Variants in PLXNA4 observed in about 807,000 individuals in gnomAD.
PLXNA4 encodes plexin-A4.
PLXNA4 carries 44 observed loss-of-function variants against 191.8 expected under a neutral mutation model. The observed-to-expected ratio is 0.23, with a 90% CI of 0.18 to 0.29. PLXNA4 has a LOEUF of 0.29. PLXNA4 is among the 10% of genes least tolerant of loss of function. PLXNA4 has a pLI of 1.00. For missense variants in PLXNA4, 1,800 were observed against 2,488.8 expected, an observed-to-expected ratio of 0.72 and a Z score of 5.89; for synonymous variants, 1,082 against 1,009.5, an observed-to-expected ratio of 1.07 and a Z score of -1.36.
chr7:132,508,382 G>A lies in PLXNA4; in HGVS notation c.312C>T (p.Cys104=), dbSNP rs767908527. The change falls in exon 2 of 32, where the codon TGC becomes TGT. Residue 104 remains cysteine, a synonymous_variant. Coordinates refer to ENST00000321063, the MANE Select transcript of PLXNA4 (RefSeq NM_020911.2). The surrounding 1 kb of genome is among the most constrained non-coding windows in gnomAD (Gnocchi z 4.4). The part of the protein sequence containing the change: ...KCYPPRIVQT[C]NEPLTTTNNV... Reference sequence around the variant, plus strand: ...TGTTGGTGGTGGTCAGGGGCTCATTGCAGGTCTGGACGATGCGGGGTGGGT... The same window carrying A: ...TGTTGGTGGTGGTCAGGGGCTCATTACAGGTCTGGACGATGCGGGGTGGGT... The A allele has an allele frequency of 1.6e-5, 26 of 1,614,082 alleles. No homozygotes were observed. Among genetic ancestry groups the A allele is most frequent in the Non-Finnish European group, 2.0e-5 (24 of 1,180,064 alleles).
intron 1 of PLXNA4, among the ~76,000 whole-genome samples, chr7:132,564,255 TCTC>T (rs1355051530): frequency 2.9e-5 from 3 of 101,714 alleles, no homozygotes; most frequent in South Asian, 7.6e-4. Flanking sequence ...TCCTTCTGCT[TCTC>T]CTCCTCCTCT....
chr7:132,463,546 G>A (rs1025351785), intron 3 of PLXNA4, among the ~76,000 whole-genome samples: 4 of 152,190 alleles, frequency 2.6e-5, no homozygotes, highest in African/African-American at 9.7e-5. Flanking sequence ...TTACATAGAT[G>A]GGAAGGCAAG....
At chr7:132,445,014 C>T (rs932817605) in intron 3 of PLXNA4, among the ~76,000 whole-genome samples, 8 of 151,258 alleles carry the variant, frequency 5.3e-5, no homozygotes, top group Middle Eastern at 3.4e-3. Context: ...ATTAGCCGGG[C>T]ACAGTGGCAG....
intron 2 of PLXNA4, among the ~76,000 whole-genome samples, chr7:132,493,843 C>T (rs930772886): frequency 6.6e-6 from 1 of 152,070 alleles, no homozygotes; most frequent in East Asian, 1.9e-4. Flanking sequence ...CAGTGGCTAA[C>T]AGTACTGAAC....
chr7:132,356,341 A>C (rs987402023), intron 3 of PLXNA4, among the ~76,000 whole-genome samples: 3 of 152,252 alleles, frequency 2.0e-5, no homozygotes, highest in African/African-American at 7.2e-5. Flanking sequence ...ACCTAAGCTT[A>C]ATGATACCAA....
rs374302351 is a variant in PLXNA4 at position 132,185,360 on chromosome 7, C to T, written c.3097G>A (p.Val1033Ile). Residue 1033 changes from valine (V) to isoleucine (I), a missense_variant, in exon 16 of 32, where the codon GTC becomes ATC. Physicochemically the swap from Val to Ile is conservative, Grantham distance 29. Around this residue, in one of 6 missense-constraint regions of PLXNA4, gnomAD observed 1,397 missense variants for 1,880.4 expected, o/e 0.74. Transcript: ENST00000321063. ...VDRAKIHQDLVFQYVEDPTIV... is the reference protein window; with the variant it reads ...VDRAKIHQDLIFQYVEDPTIV... Reference sequence around the variant, plus strand: ...GTGGGGTCTTCCACATACTGAAAGACCAGGTCCTGGTGGATCTTGGCCCTG... The same window carrying T: ...GTGGGGTCTTCCACATACTGAAAGATCAGGTCCTGGTGGATCTTGGCCCTG... The T allele has an allele frequency of 1.9e-6, 3 of 1,614,096 alleles. No homozygotes were observed. The highest frequency in any genetic ancestry group is 2.5e-6 in the Non-Finnish European group (3 of 1,180,004).
chr7:132,131,157 AT>A (rs764066496), intron 31 of PLXNA4, among the ~76,000 whole-genome samples: 7 of 152,206 alleles, frequency 4.6e-5, no homozygotes, highest in Non-Finnish European at 8.8e-5. Flanking sequence ...CACCTAATGG[AT>A]AATGTCTACC....
rs761142540 is a variant in PLXNA4 at position 132,508,063 on chromosome 7, C to T, written c.631G>A (p.Asp211Asn). Residue 211 changes from aspartate to asparagine, a missense_variant, in exon 2 of 32, where the codon GAT becomes AAT. This residue lies in a region of PLXNA4 where 1,397 missense variants were observed against 1,880.4 expected (regional missense o/e 0.74). Transcript: ENST00000321063. This position sits in a 1 kb window ranked among gnomAD's most constrained non-coding sequence, Gnocchi z 4.4. ...TGGAAGACGTACGCGAACATGCCAT[C>T]CGCCTCAGAGTTCTTGGTCAGTTTC... is the stretch of plus-strand genomic sequence containing the variant. ...SRKLTKNSEA[D>N]GMFAYVFHDE... 17 of 1,614,124 alleles carry T rather than the reference C, an allele frequency of 1.1e-5. No homozygotes were observed. The highest frequency in any genetic ancestry group is 1.7e-5 in the Admixed American group (1 of 60,008).
intron 1 of PLXNA4, among the ~76,000 whole-genome samples, chr7:132,553,688 C>T (rs890235206): frequency 1.3e-5 from 2 of 152,148 alleles, no homozygotes; most frequent in Non-Finnish European, 2.9e-5. Context: ...CAACCTACAC[C>T]TTAGTGTACC....
chr7:132,331,883 T>A (rs62466378), intron 3 of PLXNA4, among the ~76,000 whole-genome samples: 14,317 of 152,080 alleles, frequency 0.094, 863 homozygotes, highest in Admixed American at 0.2. Context: ...GCTAGAGACA[T>A]TAATGCATCT....
chr7:132,159,730 A>C, intron 24 of PLXNA4, 98 bp from the exon 25 acceptor site: 591 of 1,551,842 alleles, frequency 3.8e-4, no homozygotes, highest in Non-Finnish European at 4.7e-4. Flanking sequence ...TGAATGGCTC[A>C]TCCTCTCCAG....
At chr7:132,533,055 C>G (rs1368846864) in intron 1 of PLXNA4, among the ~76,000 whole-genome samples, 1 of 152,224 alleles carries the variant, frequency 6.6e-6, no homozygotes, top group African/African-American at 2.4e-5. Flanking sequence ...GAAGGGATTT[C>G]TGTCCTTCCT....
chr7:132,259,018 C>A (rs1344285610), intron 4 of PLXNA4, among the ~76,000 whole-genome samples: 1 of 152,094 alleles, frequency 6.6e-6, no homozygotes, highest in Non-Finnish European at 1.5e-5. Context: ...TGCTTGTGTG[C>A]CACGGTAATC....
intron 1 of PLXNA4, among the ~76,000 whole-genome samples, chr7:132,543,664 A>G (rs542468671): frequency 5.3e-4 from 81 of 152,372 alleles, no homozygotes; most frequent in African/African-American, 1.8e-3. Flanking sequence ...CCCAAACAAT[A>G]GGCCAGTTCC....
chr7:132,231,177 C>T (rs1049503307), intron 5 of PLXNA4, among the ~76,000 whole-genome samples: 3 of 152,170 alleles, frequency 2.0e-5, no homozygotes, highest in African/African-American at 7.2e-5. Context: ...CTTCTTGGTG[C>T]CTCAGCTTTC....
chr7:132,478,189 C>A (rs1797204140), intron 3 of PLXNA4, among the ~76,000 whole-genome samples: 1 of 152,190 alleles, frequency 6.6e-6, no homozygotes. Flanking sequence ...AACTAAACCT[C>A]CCTGGATCTA....
chr7:132,315,979 G>T (rs1801929569), intron 3 of PLXNA4, among the ~76,000 whole-genome samples: 1 of 152,168 alleles, frequency 6.6e-6, no homozygotes, highest in Non-Finnish European at 1.5e-5. Context: ...AAAGTGCTGG[G>T]CTTTAACCTG....
At chr7:132,469,382 G>A (rs534995453) in intron 3 of PLXNA4, among the ~76,000 whole-genome samples, 1 of 152,234 alleles carries the variant, frequency 6.6e-6, no homozygotes, top group South Asian at 2.1e-4. Flanking sequence ...TGGAGTAGTT[G>A]CTCACTGTTT....
chr7:132,191,589 A>G lies in PLXNA4; in HGVS notation c.2856+2473T>C, dbSNP rs566874425. Among the ~76,000 whole-genome samples, 24 of 152,208 alleles carry G rather than the reference A, an allele frequency of 1.6e-4. 1 individual carries two copies. The South Asian group carries it at 5.0e-3, about 32-fold the overall frequency. On this transcript the variant is annotated intron_variant, in intron 14 of 31. Coordinates refer to ENST00000321063, the MANE Select transcript of PLXNA4 (RefSeq NM_020911.2). ...AGCCCTGTCCACTTTATCATTCAGG[A>G]TCACTGCCAAGAACCTCAGGATGGA...
Sources: allele counts gnomAD v4.1 joint callset (sites outside exome capture counted in the v4.1 genomes callset), GRCh38; gene constraint gnomAD v4.1.1; regional missense constraint gnomAD v4.1.1; non-coding constraint Gnocchi (gnomAD v3.1); transcripts MANE v1.5; gene names NCBI Gene and HGNC (gene_info 2026-07-23, HGNC 2026-07-21).